The following MIER1 variants were observed in gnomAD, a reference collection of about 807,000 sequenced individuals.
MIER1 encodes the protein MIER1 transcriptional regulator.
Under a neutral mutation model 75.7 loss-of-function variants are expected in MIER1, and 40 were observed. The ratio of observed to expected loss-of-function variants is 0.53; its 90% CI spans 0.41 to 0.69. The LOEUF is 0.69. Among genes scored for constraint, MIER1 ranks in the 30% least tolerant of loss-of-function variants. MIER1 has a pLI of 0.00. For missense variants in MIER1, 574 were observed against 680.2 expected (o/e 0.84, Z 1.74); for synonymous variants, 213 against 223.4 (o/e 0.95, Z 0.42).
intron 2 of MIER1, among the ~76,000 whole-genome samples, chr1:66,933,960 T>C (rs909142428): frequency 6.6e-5 from 10 of 152,252 alleles, no homozygotes; most frequent in Non-Finnish European, 1.3e-4. Context: ...CCTGCCTGGC[T>C]TGATGTTCAT....
chr1:66,955,492 G>C (rs1659939445), intron 4 of MIER1, among the ~76,000 whole-genome samples: 1 of 151,962 alleles, frequency 6.6e-6, no homozygotes. Flanking sequence ...ATCGTAGAGA[G>C]CCTGAGGGCA....
At chr1:66,969,977 C>G (rs1303486378) in intron 8 of MIER1, among the ~76,000 whole-genome samples, 3 of 152,150 alleles carry the variant, frequency 2.0e-5, no homozygotes, top group Non-Finnish European at 4.4e-5. Context: ...AGAATTTAAC[C>G]AGTCTTTGAA....
chr1:66,988,093 T>C lies in MIER1; in HGVS notation c.*3193T>C, dbSNP rs1667009663. 7.4e-6 allele frequency: 1 copy of C among 136,024 alleles called. No individual in the cohort carries two copies. The highest frequency in any genetic ancestry group is 7.2e-5 in the Admixed American group (1 of 13,794). 8.4% of individuals were successfully genotyped at this position (136,024 alleles called of 1,614,324 possible). A position where few individuals can be genotyped will look rare whatever the true frequency, so the allele number is the denominator to read the frequency against. On this transcript the variant is annotated 3_prime_UTR_variant, in exon 14 of 14. Coordinates refer to ENST00000401041, the MANE Select transcript of MIER1 (RefSeq NM_001077700.3). ...CTTGGAATAACTGAGGGCTGGTGAA[T>C]ATAATAGGCAATATTTACATGGGGT...
chr1:66,978,939 AAGGTTAAATATTCTTT>A (rs1373480013), intron 12 of MIER1, among the ~76,000 whole-genome samples: 4 of 152,230 alleles, frequency 2.6e-5, no homozygotes, highest in Admixed American at 6.5e-5. Flanking sequence ...AATGACTCTT[AAGGTTAAATATTCTTT>A]AGGTAGAGTG....
Position 66,985,260 on chromosome 1 carries a change from C to T in MIER1, c.*360C>T. 1.0e-6 allele frequency: 1 copy of T among 974,916 alleles called. No homozygotes were observed. Among genetic ancestry groups the T allele is most frequent in the Non-Finnish European group, 1.2e-6 (1 of 819,986 alleles). The allele number at this position is 974,916 out of a possible 1,614,324, so 60.4% of individuals were successfully genotyped here. On this transcript the variant is annotated 3_prime_UTR_variant, in exon 14 of 14. Coordinates refer to ENST00000401041, the MANE Select transcript of MIER1 (RefSeq NM_001077700.3). ...ATGTATTAATCATAAAATTTCACTA[C>T]AAGGTAATTTTTGCTTAGTTTGATG...
chr1:66,976,141 T>C (rs968787896), intron 11 of MIER1, among the ~76,000 whole-genome samples: 6 of 151,864 alleles, frequency 4.0e-5, no homozygotes, highest in Non-Finnish European at 8.8e-5. Flanking sequence ...GTAGCTGGGA[T>C]TACAGGCACC....
At position 66,987,688 on chromosome 1, in the gene MIER1, G is replaced by A. The variant is rs972167045; in HGVS notation, c.*2788G>A. ...CATATTTGCCTACATAATACTGTGT[G>A]AATATTTTCATTAGATTAATTCACT... On this transcript the variant is annotated 3_prime_UTR_variant, in exon 14 of 14. Coordinates refer to ENST00000401041, the MANE Select transcript of MIER1 (RefSeq NM_001077700.3). The A allele has an allele frequency of 4.4e-5, 6 of 135,212 alleles. No homozygotes were observed. The highest frequency in any genetic ancestry group is 7.9e-5 in the Non-Finnish European group (5 of 63,596). The allele number at this position is 135,212 out of a possible 1,614,324, so 8.4% of individuals were successfully genotyped here. A position where few individuals can be genotyped will look rare whatever the true frequency, so the allele number is the denominator to read the frequency against.
chr1:66,950,217 G>A (rs1570273660), intron 4 of MIER1, among the ~76,000 whole-genome samples: 1 of 151,830 alleles, frequency 6.6e-6, no homozygotes, highest in Non-Finnish European at 1.5e-5. Flanking sequence ...CAAGCAATTC[G>A]CCTGCCTCAG....
At chr1:66,950,973 A>T (rs1169322054) in intron 4 of MIER1, among the ~76,000 whole-genome samples, 2 of 152,234 alleles carry the variant, frequency 1.3e-5, no homozygotes, top group South Asian at 4.1e-4. Context: ...TACTATCTAC[A>T]TCCACCAAAT....
At chr1:66,934,121 G>T (rs1654110107) in intron 2 of MIER1, among the ~76,000 whole-genome samples, 1 of 152,046 alleles carries the variant, frequency 6.6e-6, no homozygotes, top group Non-Finnish European at 1.5e-5. Flanking sequence ...TTTGCAAATT[G>T]AGATTTTTTT....
chr1:66,965,800 T>TA (rs1419862252), intron 8 of MIER1, among the ~76,000 whole-genome samples: 1 of 152,194 alleles, frequency 6.6e-6, no homozygotes, highest in Non-Finnish European at 1.5e-5. Flanking sequence ...ACCTCTCTCT[T>TA]ACTCCTTTCC....
chr1:66,946,394 TTATATATTAA>T, intron 4 of MIER1, 99 bp downstream of exon 4: 7 of 1,448,602 alleles, frequency 4.8e-6, no homozygotes, highest in Non-Finnish European at 6.3e-6. Context: ...AGAAATTGTG[TTATATATTAA>T]TGACTGAAAA....
At chr1:66,982,423 T>C (rs1393985880) in intron 13 of MIER1, among the ~76,000 whole-genome samples, 2 of 152,204 alleles carry the variant, frequency 1.3e-5, no homozygotes, top group Non-Finnish European at 2.9e-5. Context: ...ATATTTGTTT[T>C]TCTCTCCAAG....
chr1:66,925,321 C>G, intron 1 of MIER1: 1 of 985,444 alleles, frequency 1.0e-6, no homozygotes, highest in African/African-American at 1.7e-5. Context: ...CCATCGACTG[C>G]CTCCCAGCGC....
chr1:66,933,295 G>A (rs1653895195), intron 2 of MIER1, among the ~76,000 whole-genome samples: 3 of 152,082 alleles, frequency 2.0e-5, no homozygotes, highest in East Asian at 1.9e-4. Context: ...CTTTGGGAAC[G>A]AACAATTTGT....
Position 66,986,059 on chromosome 1 carries a change from G to T in MIER1, c.*1159G>T. 1 of 1,015,700 alleles carries T rather than the reference G, an allele frequency of 9.8e-7. No individual in the cohort carries two copies. The highest frequency in any genetic ancestry group is 1.2e-6 in the Non-Finnish European group (1 of 850,270). The allele number at this position is 1,015,700 out of a possible 1,614,324, so 62.9% of individuals were successfully genotyped here. ...TTTCTGCATTAAATAAACAGAGGAG[G>T]GGGGTCAAGTGATACTTAGATATTG... is the stretch of plus-strand genomic sequence containing the variant. On this transcript the variant is annotated 3_prime_UTR_variant, in exon 14 of 14. Transcript: ENST00000401041.
intron 2 of MIER1, among the ~76,000 whole-genome samples, chr1:66,931,859 T>G (rs912045107): frequency 6.6e-6 from 1 of 152,172 alleles, no homozygotes; most frequent in Non-Finnish European, 1.5e-5. Context: ...AGTTAGTGTC[T>G]TCAGTGGACC....
chr1:66,971,683 T>C lies in MIER1; in HGVS notation c.953T>C (p.Phe318Ser). The C allele has an allele frequency of 6.6e-7, 1 of 1,515,048 alleles. No homozygotes were observed. Among genetic ancestry groups the C allele is most frequent in the Non-Finnish European group, 9.1e-7 (1 of 1,097,988 alleles). 93.9% of individuals were successfully genotyped at this position (1,515,048 alleles called of 1,614,324 possible). A position where few individuals can be genotyped will look rare whatever the true frequency, so the allele number is the denominator to read the frequency against. Residue 318 changes from phenylalanine to serine, a missense_variant, in exon 10 of 14, where the codon TTT (phenylalanine) becomes TCT (serine). Physicochemically the swap from Phe to Ser is radical, Grantham distance 155. This residue lies in a region of MIER1 where 101 missense variants were observed against 173.1 expected (regional missense o/e 0.58). Coordinates refer to ENST00000401041, the MANE Select transcript of MIER1 (RefSeq NM_001077700.3). ...TTATATGAATTGGTTAAATGCAATT[T>C]TGATACAGAAGAAGCATTGAGAAGA... ...QALYELVKCN[F>S]DTEEALRRLR... is the part of the protein sequence containing the mutation.
chr1:66,960,685 A>G (rs1468664901), intron 7 of MIER1, among the ~76,000 whole-genome samples: 2 of 152,200 alleles, frequency 1.3e-5, no homozygotes, highest in Non-Finnish European at 2.9e-5. Flanking sequence ...GTTAAAACAA[A>G]GAAATAATGT....
Sources: gnomAD v4.1 joint callset for allele counts (sites outside exome capture counted in the v4.1 genomes callset) on GRCh38, gnomAD v4.1.1 for gene constraint, gnomAD v4.1.1 regional missense constraint, MANE v1.5 for transcripts, NCBI Gene and HGNC (gene_info 2026-07-23, HGNC 2026-07-21) for gene names.